CPNE3: variants seen among roughly 807,000 people sequenced by gnomAD.
The protein encoded by CPNE3 is copine 3.
A neutral mutation model predicts 63.9 loss-of-function variants in CPNE3; 68 were observed. The ratio of observed to expected loss-of-function variants is 1.06; its 90% CI spans 0.87 to 1.30. The LOEUF (loss-of-function observed/expected upper bound fraction) is 1.30. CPNE3 is among the 50% of genes most tolerant of loss of function. The pLI, the probability that CPNE3 is intolerant of heterozygous loss-of-function variation, is 0.00. For missense variants in CPNE3, 665 were observed against 578.1 expected (o/e 1.15, Z -1.54); for synonymous variants, 219 against 197.5 (o/e 1.11, Z -0.91).
At position 86,547,755 on chromosome 8, in the gene CPNE3, T is replaced by A; in HGVS notation, c.864T>A (p.Cys288Ter). ...CTFLDYIMGG[C>*]QLNFTVGVDF... is the part of the protein sequence containing the mutation. ...TCCTTGACTATATAATGGGAGGATG[T>A]CAGCTGAATTTTACTGTAAGTAACA... is the stretch of plus-strand genomic sequence containing the variant. The change falls in exon 11 of 17, where the codon TGT becomes TGA. Residue 288 changes from cysteine to a stop codon, truncating the protein, a stop_gained. Coordinates refer to ENST00000517490, the MANE Select transcript of CPNE3 (RefSeq NM_003909.5). LOFTEE classifies it high-confidence loss of function. The A allele has an allele frequency of 7.4e-7, 1 of 1,360,392 alleles. No homozygotes were observed. The highest frequency in any genetic ancestry group is 1.7e-5 in the Admixed American group (1 of 59,158). 84.3% of individuals were successfully genotyped at this position (1,360,392 alleles called of 1,614,324 possible). A position where few individuals can be genotyped will look rare whatever the true frequency, so the allele number is the denominator to read the frequency against.
chr8:86,533,540 C>T (rs151087340), intron 6 of CPNE3, among the ~76,000 whole-genome samples: 162 of 151,032 alleles, frequency 1.1e-3, no homozygotes, highest in African/African-American at 3.7e-3. Flanking sequence ...AAAACAAAAA[C>T]AACAACAAAA....
At chr8:86,529,442 G>T (rs1820621216) in intron 4 of CPNE3, among the ~76,000 whole-genome samples, 1 of 152,086 alleles carries the variant, frequency 6.6e-6, no homozygotes. Context: ...AGCCATAAAT[G>T]CATTCAAGAT....
chr8:86,558,151 G>A (rs1249621250), intron 16 of CPNE3, 137 bp from the exon 17 acceptor site: 7 of 624,888 alleles, frequency 1.1e-5, no homozygotes, highest in Admixed American at 2.5e-5. Context: ...TTTCATGGGC[G>A]GTTCCTAAGA....
chr8:86,550,952 T>C, intron 12 of CPNE3, 94 bp from the exon 13 acceptor site: 2 of 1,242,842 alleles, frequency 1.6e-6, no homozygotes, highest in East Asian at 2.6e-5. Context: ...TTCATACTTT[T>C]TGAAATGAGC....
intron 6 of CPNE3, among the ~76,000 whole-genome samples, chr8:86,533,098 C>T (rs1310550619): frequency 2.6e-5 from 4 of 151,812 alleles, no homozygotes; most frequent in African/African-American, 9.7e-5. Flanking sequence ...CACTATGTTG[C>T]CTAGGCTGGT....
chr8:86,543,518 G>A (rs1820987675), intron 8 of CPNE3, among the ~76,000 whole-genome samples: 1 of 152,106 alleles, frequency 6.6e-6, no homozygotes, highest in South Asian at 2.1e-4. Context: ...GCAAGATAAA[G>A]CTCTCTATTG....
In CPNE3 at chr8:86,532,655, T is replaced by C; in HGVS notation, c.459+75T>C. ...TTTAAGAAAATAAAAATGCAGTTAATATCATGAACTCCATCATTGAGCATC... is the reference window on the plus strand; with the variant it reads ...TTTAAGAAAATAAAAATGCAGTTAACATCATGAACTCCATCATTGAGCATC... On this transcript the variant is annotated intron_variant, in intron 6 of 16. Coordinates refer to ENST00000517490, the MANE Select transcript of CPNE3 (RefSeq NM_003909.5). 5 of 1,249,832 alleles carry C rather than the reference T, an allele frequency of 4.0e-6. No individual in the cohort carries two copies. The South Asian group carries it at 6.5e-5, about 16-fold the overall frequency. The allele number at this position is 1,249,832 out of a possible 1,614,324, so 77.4% of individuals were successfully genotyped here.
Position 86,559,614 on chromosome 8 carries a change from T to G in CPNE3, c.*1204T>G, listed in dbSNP as rs1330102787. On this transcript the variant is annotated 3_prime_UTR_variant, in exon 17 of 17. Coordinates refer to ENST00000517490, the MANE Select transcript of CPNE3 (RefSeq NM_003909.5). ...AAGAAAACTTTTCCAACTGCTGCAT[T>G]AAGATAGGGTGGATTTTATGTGCTT... 1 of 151,776 alleles carries G rather than the reference T, an allele frequency of 6.6e-6. No individual in the cohort carries two copies. Among genetic ancestry groups the G allele is most frequent in the Non-Finnish European group, 1.5e-5 (1 of 67,944 alleles). The allele number at this position is 151,776 out of a possible 1,614,324, so 9.4% of individuals were successfully genotyped here.
intron 14 of CPNE3, among the ~76,000 whole-genome samples, chr8:86,553,339 T>C (rs1005239578): frequency 6.6e-6 from 1 of 152,128 alleles, no homozygotes; most frequent in African/African-American, 2.4e-5. Flanking sequence ...TCTTACATTT[T>C]AAGAGAAGAG....
At chr8:86,529,590 A>G (rs571828475) in intron 4 of CPNE3, among the ~76,000 whole-genome samples, 2 of 152,246 alleles carry the variant, frequency 1.3e-5, no homozygotes, top group Admixed American at 6.5e-5. Context: ...CCTCTAGATT[A>G]GTTTGGAATC....
rs557104869 is a variant in CPNE3 at position 86,521,537 on chromosome 8, G to A, written c.-11+6038G>A. 3.3e-5 allele frequency: 5 copies of A among 152,110 alleles called. No homozygotes were observed. In the East Asian group the frequency reaches 9.6e-4, roughly 29 times the overall value. The allele number at this position is 152,110 out of a possible 1,614,324, so 9.4% of individuals were successfully genotyped here. A position where few individuals can be genotyped will look rare whatever the true frequency, so the allele number is the denominator to read the frequency against. Reference sequence around the variant, plus strand: ...CTATTTTTTGATATTGTTTTTAATTGAAAAATCATAATTGTTTACATCTAT... The same window carrying A: ...CTATTTTTTGATATTGTTTTTAATTAAAAAATCATAATTGTTTACATCTAT... On this transcript the variant is annotated intron_variant, in intron 2 of 16. Transcript: ENST00000517490.
chr8:86,559,175 C>A lies in CPNE3; in HGVS notation c.*765C>A, dbSNP rs1482206690. 3 of 151,792 alleles carry A rather than the reference C, an allele frequency of 2.0e-5. No individual in the cohort carries two copies. The highest frequency in any genetic ancestry group is 4.4e-5 in the Non-Finnish European group (3 of 67,972). The allele number at this position is 151,792 out of a possible 1,614,324, so 9.4% of individuals were successfully genotyped here. On this transcript the variant is annotated 3_prime_UTR_variant, in exon 17 of 17. Coordinates refer to ENST00000517490, the MANE Select transcript of CPNE3 (RefSeq NM_003909.5). The stretch of plus-strand genomic sequence containing the variant: ...TTTTTTTTTCATTAACTGAGCAAGA[C>A]TTTCAGGATATTGTAGATGCACAGA...
intron 5 of CPNE3, among the ~76,000 whole-genome samples, chr8:86,531,822 T>C (rs966608361): frequency 1.3e-5 from 2 of 152,254 alleles, no homozygotes; most frequent in African/African-American, 4.8e-5. Flanking sequence ...TTCTAGAGTG[T>C]CTGTACAGAT....
chr8:86,558,883 CTG>C lies in CPNE3; in HGVS notation c.*475_*476del, dbSNP rs1821378965. 7 of 160,754 alleles carry C rather than the reference CTG, an allele frequency of 4.4e-5. 1 individual carries two copies. The South Asian group carries it at 1.2e-3, about 28-fold the overall frequency. The allele number at this position is 160,754 out of a possible 1,614,324, so 10.0% of individuals were successfully genotyped here. ...TGATATCAAATTTGTTCCTGTAACTCTGTATACAGTGCTTTTCTGCAAGGTAA... is the reference window on the plus strand; with the variant it reads ...TGATATCAAATTTGTTCCTGTAACTCTATACAGTGCTTTTCTGCAAGGTAA... On this transcript the variant is annotated 3_prime_UTR_variant, in exon 17 of 17. Transcript: ENST00000517490.
At position 86,556,316 on chromosome 8, in the gene CPNE3, T is replaced by C; in HGVS notation, c.1469T>C (p.Val490Ala). 1 of 873,040 alleles carries C rather than the reference T, an allele frequency of 1.1e-6. No individual in the cohort carries two copies. The highest frequency in any genetic ancestry group is 2.0e-6 in the Non-Finnish European group (1 of 501,688). The allele number at this position is 873,040 out of a possible 1,614,324, so 54.1% of individuals were successfully genotyped here. A position where few individuals can be genotyped will look rare whatever the true frequency, so the allele number is the denominator to read the frequency against. ...EVAIRDIVQF[V>A]PFRQFQNAPK... is the part of the protein sequence containing the mutation. ...GCCATCAGAGATATTGTCCAGTTTG[T>C]GCCTTTCAGACAGTTCCAGAATGTG... The change falls in exon 16 of 17, where the codon GTG becomes GCG. Residue 490 changes from valine (V) to alanine (A), a missense_variant. Transcript: ENST00000517490.
At chr8:86,518,656 C>G (rs1476624979) in intron 2 of CPNE3, among the ~76,000 whole-genome samples, 9 of 152,106 alleles carry the variant, frequency 5.9e-5, no homozygotes, top group Admixed American at 4.6e-4. Context: ...GGGTGTATAC[C>G]AACTTTAGCA....
chr8:86,527,946 A>ATTTTTTTTTTTTTTTTT lies in CPNE3; in HGVS notation c.-10-581_-10-565dup, dbSNP rs869225401. 9.9e-4 allele frequency among the ~76,000 whole-genome samples: 85 copies of ATTTTTTTTTTTTTTTTT among 85,958 alleles called. 7 individuals are homozygous for ATTTTTTTTTTTTTTTTT. The highest frequency in any genetic ancestry group is 1.3e-3 in the African/African-American group (23 of 17,646). The allele number at this position is 85,958 out of a possible 152,430, so 56.4% of individuals were successfully genotyped here. On this transcript the variant is annotated intron_variant, in intron 2 of 16. Transcript: ENST00000517490. ...AAATTTATAGTTAAGGTAAAAAGAAATTTTTTTTTTTTTTTTTTTTTTTTT... is the reference window on the plus strand; with the variant it reads ...AAATTTATAGTTAAGGTAAAAAGAAATTTTTTTTTTTTTTTTTTTTTTTTTTTTTTTTTTTTTTTTTT...
At chr8:86,557,088 C>G (rs1563703233) in intron 16 of CPNE3, among the ~76,000 whole-genome samples, 1 of 152,146 alleles carries the variant, frequency 6.6e-6, no homozygotes, top group Non-Finnish European at 1.5e-5. Flanking sequence ...CTGTTTTTCT[C>G]TCTGATACAT....
Position 86,556,063 on chromosome 8 carries a change from C to T in CPNE3, c.1255-39C>T, listed in dbSNP as rs751661603. 4.6e-6 allele frequency: 4 copies of T among 860,244 alleles called. 1 individual carries two copies. In the South Asian group the frequency reaches 5.3e-5, roughly 11 times the overall value. The allele number at this position is 860,244 out of a possible 1,614,324, so 53.3% of individuals were successfully genotyped here. A position where few individuals can be genotyped will look rare whatever the true frequency, so the allele number is the denominator to read the frequency against. On this transcript the variant is annotated intron_variant, in intron 15 of 16. Transcript: ENST00000517490. ...AAGCCAGAGATGCCATTAGCCATTG[C>T]TTGACTTGCTCAGGGGACATGTTTT...
Sources: allele counts gnomAD v4.1 joint callset (sites outside exome capture counted in the v4.1 genomes callset), GRCh38; gene constraint gnomAD v4.1.1; transcripts MANE v1.5; gene names NCBI Gene and HGNC (gene_info 2026-07-23, HGNC 2026-07-21).